Variants in CLIP1 observed in about 807,000 individuals in gnomAD.
CLIP1 encodes CAP-Gly domain-containing linker protein 1.
A neutral mutation model predicts 161.6 loss-of-function variants in CLIP1; 66 were observed. The ratio of observed to expected loss-of-function variants is 0.41; its 90% CI spans 0.33 to 0.50. CLIP1 has a LOEUF of 0.50. Ranked by LOEUF, CLIP1 falls within the 20% of genes least tolerant of loss-of-function variation. The pLI is 0.27. For missense variants in CLIP1, 1,376 were observed against 1,702.0 expected (o/e 0.81, Z 3.37); for synonymous variants, 598 against 626.2 (o/e 0.96, Z 0.67).
intron 20 of CLIP1, among the ~76,000 whole-genome samples, chr12:122,288,976 C>T (rs974180327): frequency 3.7e-4 from 56 of 151,290 alleles, no homozygotes; most frequent in Non-Finnish European, 6.8e-4. Context: ...CCACAACGCC[C>T]GGCTAATTTT....
intron 25 of CLIP1, 106 bp downstream of exon 25, chr12:122,273,932 G>T: frequency 2.4e-6 from 2 of 846,736 alleles, no homozygotes; most frequent in South Asian, 1.6e-5. Context: ...AGGTTTCATC[G>T]TGTTGGCCAG....
chr12:122,419,448 C>T (rs541903260), intron 1 of CLIP1, among the ~76,000 whole-genome samples: 2 of 151,898 alleles, frequency 1.3e-5, no homozygotes, highest in South Asian at 4.2e-4. Flanking sequence ...GCAAGGGTCC[C>T]GAAATGTGAA....
At chr12:122,379,551 C>A (rs772800053) in intron 2 of CLIP1, among the ~76,000 whole-genome samples, 1 of 150,518 alleles carries the variant, frequency 6.6e-6, no homozygotes, top group Non-Finnish European at 1.5e-5. Flanking sequence ...CCAGCCTGGG[C>A]GACAGAGTGA....
chr12:122,312,202 G>A (rs1287570777), intron 19 of CLIP1, among the ~76,000 whole-genome samples: 2 of 152,172 alleles, frequency 1.3e-5, no homozygotes, highest in Non-Finnish European at 2.9e-5. Context: ...CTATTATCAT[G>A]CTAAATGTAT....
intron 21 of CLIP1, among the ~76,000 whole-genome samples, chr12:122,281,796 C>T (rs577473337): frequency 1.3e-5 from 2 of 151,988 alleles, no homozygotes; most frequent in Non-Finnish European, 2.9e-5. Flanking sequence ...ATTTCCAGAG[C>T]TTCACTTGCT....
chr12:122,329,851 C>T (rs1199296315), intron 15 of CLIP1, among the ~76,000 whole-genome samples: 2 of 152,084 alleles, frequency 1.3e-5, no homozygotes, highest in African/African-American at 4.8e-5. Context: ...GGTGCGTTGG[C>T]TCACGCCTGT....
chr12:122,313,867 C>G (rs1951161141), intron 19 of CLIP1, among the ~76,000 whole-genome samples: 1 of 152,206 alleles, frequency 6.6e-6, no homozygotes, highest in South Asian at 2.1e-4. Context: ...CAACAAAAGA[C>G]TCCTAAGAGC....
intron 1 of CLIP1, among the ~76,000 whole-genome samples, chr12:122,392,642 C>T (rs1246815117): frequency 2.0e-5 from 3 of 152,184 alleles, no homozygotes; most frequent in Admixed American, 6.6e-5. Context: ...CACTCCCACT[C>T]TAATGCCCGC....
chr12:122,278,752 C>A lies in CLIP1; in HGVS notation c.3916+40G>T, dbSNP rs60258475. ...TACTAGAAAGGGCTCCTCGGGAGGA[C>A]GCGGGGTGTACAGAGAAGCACTGGG... On this transcript the variant is annotated intron_variant, in intron 23 of 25. Coordinates refer to ENST00000620786, the MANE Select transcript of CLIP1 (RefSeq NM_001247997.2). The A allele has an allele frequency of 0.019, 28,546 of 1,529,318 alleles. 4,137 individuals are homozygous for A. The African/African-American group carries it at 0.33, about 18-fold the overall frequency. 94.7% of individuals were successfully genotyped at this position (1,529,318 alleles called of 1,614,324 possible).
intron 8 of CLIP1, 84 bp from the exon 9 acceptor site, chr12:122,351,227 T>C (rs1272824778): frequency 2.4e-6 from 2 of 818,746 alleles, no homozygotes; most frequent in East Asian, 5.4e-5. Flanking sequence ...GGTTTCAAGA[T>C]AACTTTATTT....
At chr12:122,364,639 A>G (rs1014287428) in intron 3 of CLIP1, 16 of 404,396 alleles carry the variant, frequency 4.0e-5, no homozygotes, top group South Asian at 3.1e-4. Flanking sequence ...TCCTGGGCTC[A>G]AGTGATCTGC....
chr12:122,279,268 T>A lies in CLIP1; in HGVS notation c.3648-123A>T. ...TAAAAAAAAAAATATAACAGGGAAG[T>A]TTTATAGGGAGTTAAGGCCATTATG... On this transcript the variant is annotated intron_variant, in intron 21 of 25. Transcript: ENST00000620786. The surrounding 1 kb of genome is among the most constrained non-coding windows in gnomAD (Gnocchi z 4.5). 1 of 650,396 alleles carries A rather than the reference T, an allele frequency of 1.5e-6. No homozygotes were observed. Among genetic ancestry groups the A allele is most frequent in the Non-Finnish European group, 2.5e-6 (1 of 399,876 alleles). The allele number at this position is 650,396 out of a possible 1,614,324, so 40.3% of individuals were successfully genotyped here.
At chr12:122,410,003 T>C (rs978102165) in intron 1 of CLIP1, among the ~76,000 whole-genome samples, 18 of 151,822 alleles carry the variant, frequency 1.2e-4, no homozygotes, top group African/African-American at 3.9e-4. Flanking sequence ...CCCGAGTAGC[T>C]GGGACTACAG....
rs147792689 is a variant in CLIP1, at chr12:122,340,841, G to A, written c.2363C>T (p.Ser788Leu). The A allele has an allele frequency of 8.4e-5, 136 of 1,613,988 alleles. No individual in the cohort carries two copies. The South Asian group carries it at 1.0e-3, about 12-fold the overall frequency. The change falls in exon 11 of 26, where the codon TCG (serine) becomes TTG (leucine). Residue 788 changes from serine to leucine, a missense_variant. Around this residue, in one of 6 missense-constraint regions of CLIP1, gnomAD observed 948 missense variants for 1,134.8 expected, o/e 0.84. Transcript: ENST00000620786. Reference protein sequence around the residue: ...ALRKASSEGKSEMKKLRQQLE... With the variant: ...ALRKASSEGKLEMKKLRQQLE... ...CTGCTGTCTAAGTTTCTTCATTTCC[G>A]ATTTACCTTCGGAACTGGCTTTCCG...
chr12:122,379,799 C>G (rs1280318696), intron 2 of CLIP1, among the ~76,000 whole-genome samples: 1 of 151,296 alleles, frequency 6.6e-6, no homozygotes, highest in Non-Finnish European at 1.5e-5. Flanking sequence ...CAAAAATAAG[C>G]TGGGTATGGT....
At chr12:122,277,540 G>A (rs1289877815) in intron 24 of CLIP1, 3 of 152,046 alleles carry the variant, frequency 2.0e-5, no homozygotes, top group Non-Finnish European at 4.4e-5. Context: ...TTAAGAGACT[G>A]AGTTTTCAAG....
chr12:122,385,144 G>A (rs1257000440), intron 1 of CLIP1, among the ~76,000 whole-genome samples: 1 of 151,980 alleles, frequency 6.6e-6, no homozygotes, highest in Non-Finnish European at 1.5e-5. Flanking sequence ...TATTGGCCAG[G>A]ATGGTCTCAA....
At chr12:122,365,709 C>T in intron 3 of CLIP1, 1 of 651,536 alleles carries the variant, frequency 1.5e-6, no homozygotes, top group South Asian at 1.8e-5. Context: ...ACTGCTCCTG[C>T]TTCAAAACAA....
At chr12:122,327,033 C>T (rs1951734332) in intron 17 of CLIP1, among the ~76,000 whole-genome samples, 1 of 152,140 alleles carries the variant, frequency 6.6e-6, no homozygotes, top group Non-Finnish European at 1.5e-5. Context: ...TCATTTCTTT[C>T]TACTAAACTC....
Sources: allele counts gnomAD v4.1 joint callset (sites outside exome capture counted in the v4.1 genomes callset), GRCh38; gene constraint gnomAD v4.1.1; regional missense constraint gnomAD v4.1.1; non-coding constraint Gnocchi (gnomAD v3.1); transcripts MANE v1.5; gene names NCBI Gene and HGNC (gene_info 2026-07-23, HGNC 2026-07-21).